ARHGAP6: variants seen among roughly 807,000 people sequenced by gnomAD.
ARHGAP6 encodes Rho GTPase activating protein 6.
In ARHGAP6, 16 loss-of-function variants were observed where a neutral mutation model predicts 55.7. That is an observed-to-expected ratio of 0.29 (90% CI 0.19 to 0.44). ARHGAP6 has a LOEUF of 0.44. Among genes scored for constraint, ARHGAP6 ranks in the 20% least tolerant of loss-of-function variants. The probability of loss-of-function intolerance (pLI) is 1.00; values close to 1 mark genes in which losing one functional copy is unlikely to be tolerated. For synonymous variants in ARHGAP6, 382 were observed against 360.9 expected (o/e 1.06, Z -0.66); for missense variants, 698 against 808.9 (o/e 0.86, Z 1.66).
intron 2 of ARHGAP6, among the ~76,000 whole-genome samples, chrX:11,248,433 A>G (rs1463666213): frequency 8.9e-6 from 1 of 112,266 alleles, no homozygotes; most frequent in East Asian, 2.8e-4. Context: ...TAATTAAACC[A>G]AAGAGCTTTT....
At position 11,186,375 on chromosome X, in the gene ARHGAP6, T is replaced by A; in HGVS notation, c.1134A>T (p.Leu378=). 8.3e-7 allele frequency: 1 copy of A among 1,211,298 alleles called. No individual in the cohort carries two copies. The highest frequency in any genetic ancestry group is 1.1e-6 in the Non-Finnish European group (1 of 895,303). The part of the protein sequence containing the change: ...TDLDDNQSRL[L]EALQLSLPAE... ...CAGGCAAGGAAAGTTGTAAAGCTTC[T>A]AGTAGTCGAGACTGATTGTCATCAA... The change falls in exon 5 of 13, where the codon CTA becomes CTT. Residue 378 remains leucine, a synonymous_variant. Coordinates refer to ENST00000337414, the MANE Select transcript of ARHGAP6 (RefSeq NM_013427.3).
chrX:11,443,047 C>G (rs1417984798), intron 1 of ARHGAP6, among the ~76,000 whole-genome samples: 1 of 111,678 alleles, frequency 9.0e-6, no homozygotes, highest in Non-Finnish European at 1.9e-5. Context: ...CCAAAGTGAA[C>G]CCCCTGTATA....
chrX:11,367,946 C>A (rs2049101664), intron 1 of ARHGAP6: 1 of 166,549 alleles, frequency 6.0e-6, no homozygotes, highest in Non-Finnish European at 9.7e-6. Context: ...GAACTGCCTT[C>A]AACCAATTCT....
intron 1 of ARHGAP6, among the ~76,000 whole-genome samples, chrX:11,390,186 A>C (rs960517013): frequency 3.6e-5 from 4 of 111,743 alleles, no homozygotes; most frequent in Non-Finnish European, 5.7e-5. Flanking sequence ...AATAGGGAAT[A>C]CTTTCCCCAT....
chrX:11,146,074 C>T (rs1360212299), intron 10 of ARHGAP6, among the ~76,000 whole-genome samples: 1 of 112,262 alleles, frequency 8.9e-6, no homozygotes, highest in Non-Finnish European at 1.9e-5. Context: ...TGTGGTGGTC[C>T]TGACCTTGGG....
At chrX:11,374,446 A>G (rs999058580) in intron 1 of ARHGAP6, among the ~76,000 whole-genome samples, 4 of 112,204 alleles carry the variant, frequency 3.6e-5, no homozygotes, top group Admixed American at 1.9e-4. Flanking sequence ...CAGCATCACA[A>G]AATTTTCTAT....
intron 2 of ARHGAP6, among the ~76,000 whole-genome samples, chrX:11,238,866 C>T (rs1280671721): frequency 2.7e-5 from 3 of 111,590 alleles, no homozygotes; most frequent in Non-Finnish European, 5.6e-5. Context: ...TCACAGGAGC[C>T]CCTGAACCAG....
intron 1 of ARHGAP6, among the ~76,000 whole-genome samples, chrX:11,532,129 A>G (rs2051056159): frequency 8.9e-6 from 1 of 112,213 alleles, no homozygotes; most frequent in South Asian, 3.7e-4. Context: ...TCTCTAATAC[A>G]GTTCATGGTA....
rs145901745 is a variant in ARHGAP6 at position 11,152,871 on chromosome X, G to A, written c.1907+3658C>T. Among the ~76,000 whole-genome samples, 78 of 111,743 alleles carry A rather than the reference G, an allele frequency of 7.0e-4. 1 individual carries two copies. The highest frequency in any genetic ancestry group is 2.4e-3 in the African/African-American group (73 of 30,725). On this transcript the variant is annotated intron_variant, in intron 10 of 12. Coordinates refer to ENST00000337414, the MANE Select transcript of ARHGAP6 (RefSeq NM_013427.3). ...TGCAAGAGACTTTAAACAAAAATCC[G>A]AATGTCCAGATTGCAGCCTATGAAA...
chrX:11,657,106 G>C (rs188375230), intron 1 of ARHGAP6, among the ~76,000 whole-genome samples: 151 of 111,609 alleles, frequency 1.4e-3, no homozygotes, highest in African/African-American at 4.6e-3. Context: ...GGCAGGCTGA[G>C]ATGATGTTGT....
intron 1 of ARHGAP6, among the ~76,000 whole-genome samples, chrX:11,512,511 C>T (rs757657654): frequency 3.0e-4 from 33 of 111,175 alleles, no homozygotes; most frequent in African/African-American, 1.1e-3. Flanking sequence ...AGAGTTGGGT[C>T]TATTTCTCCA....
chrX:11,166,686 T>C (rs1484482196), intron 9 of ARHGAP6, among the ~76,000 whole-genome samples: 1 of 112,111 alleles, frequency 8.9e-6, no homozygotes, highest in Non-Finnish European at 1.9e-5. Flanking sequence ...CTGTGCTTTA[T>C]AAAAAGGAAG....
At chrX:11,323,866 CAAAAAAA>C (rs61462099) in intron 1 of ARHGAP6, among the ~76,000 whole-genome samples, 171 of 40,291 alleles carry the variant, frequency 4.2e-3, no homozygotes, top group African/African-American at 0.014. Flanking sequence ...ACCCCCATTT[CAAAAAAA>C]AAAAAAAAAA....
intron 1 of ARHGAP6, among the ~76,000 whole-genome samples, chrX:11,475,902 A>AC (rs2050399263): frequency 9.0e-6 from 1 of 110,735 alleles, no homozygotes; most frequent in Non-Finnish European, 1.9e-5. Context: ...TAAACAAAAC[A>AC]ATAGGAATGG....
chrX:11,147,266 C>T (rs779627722), intron 10 of ARHGAP6, among the ~76,000 whole-genome samples: 6 of 111,379 alleles, frequency 5.4e-5, no homozygotes, highest in African/African-American at 1.6e-4. Context: ...CACATATACA[C>T]ACACACAAAT....
intron 1 of ARHGAP6, among the ~76,000 whole-genome samples, chrX:11,368,720 C>T (rs1053854987): frequency 1.8e-5 from 2 of 111,763 alleles, no homozygotes; most frequent in South Asian, 3.7e-4. Flanking sequence ...ATTACCTAGT[C>T]CTGTTAAGTT....
intron 1 of ARHGAP6, among the ~76,000 whole-genome samples, chrX:11,267,377 T>C (rs193218033): frequency 1.8e-5 from 2 of 111,550 alleles, no homozygotes; most frequent in Admixed American, 1.9e-4. Context: ...TAGCAGTAGG[T>C]TACATTATTA....
chrX:11,230,365 T>C (rs1264155535), intron 2 of ARHGAP6, among the ~76,000 whole-genome samples: 1 of 110,606 alleles, frequency 9.0e-6, no homozygotes, highest in Non-Finnish European at 1.9e-5. Context: ...ACCCAGCTAA[T>C]TTTTGTATTT....
chrX:11,571,709 A>AAATAAT (rs565943916), intron 1 of ARHGAP6, among the ~76,000 whole-genome samples: 1,419 of 95,740 alleles, frequency 0.015, 15 homozygotes, highest in African/African-American at 0.033. Context: ...CTTGTATATT[A>AAATAAT]AATAATAATA....
Sources: allele counts gnomAD v4.1 joint callset (sites outside exome capture counted in the v4.1 genomes callset), GRCh38; gene constraint gnomAD v4.1.1; transcripts MANE v1.5; gene names NCBI Gene and HGNC (gene_info 2026-07-23, HGNC 2026-07-21).